The following SEC62 variants were observed in gnomAD, a reference collection of about 807,000 sequenced individuals.
SEC62 encodes translocation protein SEC62.
A neutral mutation model predicts 47.5 loss-of-function variants in SEC62; 10 were observed. The observed-to-expected ratio is 0.21, with a 90% CI of 0.13 to 0.36. The LOEUF (loss-of-function observed/expected upper bound fraction) is 0.36. Among genes scored for constraint, SEC62 ranks in the 10% least tolerant of loss-of-function variants. The probability of loss-of-function intolerance (pLI) is 1.00; values close to 1 mark genes in which losing one functional copy is unlikely to be tolerated. For missense variants in SEC62, 327 were observed against 464.1 expected (o/e 0.70, Z 2.71); for synonymous variants, 136 against 150.5 (o/e 0.90, Z 0.71).
chr3:169,988,383 G>A (rs770009343), intron 7 of SEC62, 24 bp downstream of exon 7: 4 of 1,612,466 alleles, frequency 2.5e-6, no homozygotes, highest in Non-Finnish European at 2.5e-6. Flanking sequence ...TTATAAAATT[G>A]ACCTCAAGAA....
intron 4 of SEC62, 116 bp downstream of exon 4, chr3:169,983,027 A>G (rs1431959113): frequency 1.7e-5 from 25 of 1,483,106 alleles, no homozygotes; most frequent in Non-Finnish European, 2.2e-5. Context: ...ACTATATTAG[A>G]GTTGTTATAA....
At chr3:169,972,113 T>C (rs1435396994) in intron 1 of SEC62, among the ~76,000 whole-genome samples, 1 of 152,240 alleles carries the variant, frequency 6.6e-6, no homozygotes, top group Non-Finnish European at 1.5e-5. Context: ...ATGCATTTTT[T>C]TCCAGTTCAT....
rs2108292342 is a variant in SEC62 at position 169,997,523 on chromosome 3, T to C, written c.*4460T>C. 6.6e-6 allele frequency: 1 copy of C among 152,488 alleles called. No individual in the cohort carries two copies. Among genetic ancestry groups the C allele is most frequent in the East Asian group, 1.9e-4 (1 of 5,192 alleles). The allele number at this position is 152,488 out of a possible 1,614,324, so 9.4% of individuals were successfully genotyped here. Reference sequence around the variant, plus strand: ...CTCTGTCACCCAGGCTGGAGTGCAGTGGCGAAATCTCAGCTCACTGCAACC... The same window carrying C: ...CTCTGTCACCCAGGCTGGAGTGCAGCGGCGAAATCTCAGCTCACTGCAACC... On this transcript the variant is annotated 3_prime_UTR_variant, in exon 8 of 8. Coordinates refer to ENST00000337002, the MANE Select transcript of SEC62 (RefSeq NM_003262.4).
intron 6 of SEC62, among the ~76,000 whole-genome samples, chr3:169,987,077 AT>A (rs1465051303): frequency 6.6e-6 from 1 of 151,990 alleles, no homozygotes; most frequent in Non-Finnish European, 1.5e-5. Context: ...AAAAAAAAAA[AT>A]AGGTAGCAGT....
Position 169,987,987 on chromosome 3 carries a change from T to C in SEC62, c.611-253T>C, listed in dbSNP as rs572122831. ...AATTAAGGAGGCAACAGTTTTGAATTTCTACATAGCATTTTTTTCTAATTA... is the reference window on the plus strand; with the variant it reads ...AATTAAGGAGGCAACAGTTTTGAATCTCTACATAGCATTTTTTTCTAATTA... On this transcript the variant is annotated intron_variant, in intron 6 of 7. Transcript: ENST00000337002. Among the ~76,000 whole-genome samples, 75 of 152,298 alleles carry C rather than the reference T, an allele frequency of 4.9e-4. 1 individual carries two copies. In the South Asian group the frequency reaches 0.015, roughly 30 times the overall value.
Position 169,992,578 on chromosome 3 carries a change from A to G in SEC62, c.731-16A>G. On this transcript the variant is annotated splice_polypyrimidine_tract_variant and intron_variant, in intron 7 of 7. Coordinates refer to ENST00000337002, the MANE Select transcript of SEC62 (RefSeq NM_003262.4). This position sits in a 1 kb window ranked among gnomAD's most constrained non-coding sequence, Gnocchi z 4.0. ...GTGTTTGAATTACTCAATTAGAGAA[A>G]TTTTTCTCCCCACAGCTCGATGCAT... The G allele has an allele frequency of 6.3e-7, 1 of 1,584,070 alleles. No homozygotes were observed. The highest frequency in any genetic ancestry group is 8.6e-7 in the Non-Finnish European group (1 of 1,164,342).
chr3:169,995,190 G>A lies in SEC62; in HGVS notation c.*2127G>A, dbSNP rs2108291045. On this transcript the variant is annotated 3_prime_UTR_variant, in exon 8 of 8. Transcript: ENST00000337002. The stretch of plus-strand genomic sequence containing the variant: ...CGTTTATAATTGTTAATAGAATGGC[G>A]ATTTTTTTTTAAGAACTTCAGATTT... The A allele has an allele frequency of 6.6e-6, 1 of 152,188 alleles. No homozygotes were observed. Among genetic ancestry groups the A allele is most frequent in the Middle Eastern group, 3.4e-3 (1 of 294 alleles). The allele number at this position is 152,188 out of a possible 1,614,324, so 9.4% of individuals were successfully genotyped here. A position where few individuals can be genotyped will look rare whatever the true frequency, so the allele number is the denominator to read the frequency against.
intron 1 of SEC62, chr3:169,968,534 T>G (rs1227766871): frequency 1.5e-5 from 2 of 134,670 alleles, no homozygotes; most frequent in Non-Finnish European, 3.2e-5. Context: ...CATATTTACC[T>G]CAAAAAAAAA....
At chr3:169,989,290 C>T (rs377211636) in intron 7 of SEC62, among the ~76,000 whole-genome samples, 27 of 90,898 alleles carry the variant, frequency 3.0e-4, no homozygotes, top group African/African-American at 8.9e-4. Context: ...TCACTCTGCC[C>T]AGGCTAGTCT....
chr3:169,994,233 C>T lies in SEC62; in HGVS notation c.*1170C>T, dbSNP rs930822927. ...CTAGTTTTGCAGTTTGACTTTACGT[C>T]TTATACATCTTAGTTACAAGTCTTT... On this transcript the variant is annotated 3_prime_UTR_variant, in exon 8 of 8. Coordinates refer to ENST00000337002, the MANE Select transcript of SEC62 (RefSeq NM_003262.4). 2.0e-5 allele frequency: 3 copies of T among 152,560 alleles called. No individual in the cohort carries two copies. Among genetic ancestry groups the T allele is most frequent in the Admixed American group, 2.0e-4 (3 of 15,278 alleles). The allele number at this position is 152,560 out of a possible 1,614,324, so 9.5% of individuals were successfully genotyped here.
At chr3:169,971,734 T>TTTTTTATGTACCCTAATA (rs1576855222) in intron 1 of SEC62, among the ~76,000 whole-genome samples, 1 of 152,212 alleles carries the variant, frequency 6.6e-6, no homozygotes, top group East Asian at 1.9e-4. Context: ...AGCTTCTCAA[T>TTTTTTATGTACCCTAATA]TTTTTATGTA....
intron 1 of SEC62, among the ~76,000 whole-genome samples, chr3:169,967,303 C>T (rs1714555696): frequency 6.6e-6 from 1 of 152,150 alleles, no homozygotes; most frequent in African/African-American, 2.4e-5. Flanking sequence ...CAGGAGGCGG[C>T]GGACTGACCT....
intron 3 of SEC62, 133 bp from the exon 4 acceptor site, chr3:169,982,574 G>T: frequency 9.8e-7 from 1 of 1,024,692 alleles, no homozygotes; most frequent in South Asian, 1.3e-5. Context: ...TTTTTCACGG[G>T]CATACTAGTT....
chr3:169,988,165 A>G (rs1715152603), intron 6 of SEC62, 75 bp from the exon 7 acceptor site: 3 of 1,517,822 alleles, frequency 2.0e-6, no homozygotes, highest in South Asian at 1.1e-5. Context: ...TCCCCCAGGG[A>G]TATGTTTCTG....
chr3:169,977,121 A>C (rs1298442838), intron 3 of SEC62, 70 bp downstream of exon 3: 1 of 1,008,248 alleles, frequency 9.9e-7, no homozygotes, highest in East Asian at 2.6e-5. Context: ...GAAGCTCCTT[A>C]CATCATTAAA....
intron 7 of SEC62, among the ~76,000 whole-genome samples, chr3:169,989,975 G>T (rs1425850722): frequency 1.4e-5 from 2 of 145,260 alleles, no homozygotes; most frequent in African/African-American, 5.0e-5. Flanking sequence ...TATTATATAT[G>T]AATATATATG....
Position 169,992,532 on chromosome 3 carries a change from C to A in SEC62, c.731-62C>A. ...AACTGTTTTCCCAGCTTTTTATTAA[C>A]AAATACTCCCTTCTGAGGCAGTGTT... On this transcript the variant is annotated intron_variant, in intron 7 of 7. Transcript: ENST00000337002. This position sits in a 1 kb window ranked among gnomAD's most constrained non-coding sequence, Gnocchi z 4.0. 1 of 1,134,188 alleles carries A rather than the reference C, an allele frequency of 8.8e-7. No individual in the cohort carries two copies. The highest frequency in any genetic ancestry group is 1.3e-6 in the Non-Finnish European group (1 of 778,744). The allele number at this position is 1,134,188 out of a possible 1,614,324, so 70.3% of individuals were successfully genotyped here.
intron 6 of SEC62, among the ~76,000 whole-genome samples, chr3:169,987,709 A>AG (rs1715142194): frequency 6.6e-6 from 1 of 152,198 alleles, no homozygotes; most frequent in Non-Finnish European, 1.5e-5. Flanking sequence ...TTGCAAAAAA[A>AG]CTGGAGACAC....
Position 169,988,330 on chromosome 3 carries a change from T to C in SEC62, c.701T>C (p.Phe234Ser), listed in dbSNP as rs756980184. ...VYYLSVGAGC[F>S]VASILLLAVA... is the part of the protein sequence containing the mutation. Reference sequence around the variant, plus strand: ...TACCTCAGTGTGGGTGCAGGCTGTTTTGTAGCCAGTATTCTTCTCCTTGCT... The same window carrying C: ...TACCTCAGTGTGGGTGCAGGCTGTTCTGTAGCCAGTATTCTTCTCCTTGCT... Residue 234 changes from phenylalanine (F) to serine (S), a missense_variant, in exon 7 of 8, where the codon TTT (phenylalanine) becomes TCT (serine). By Grantham distance (155) the Phe-to-Ser change is radical. Coordinates refer to ENST00000337002, the MANE Select transcript of SEC62 (RefSeq NM_003262.4). 6.2e-7 allele frequency: 1 copy of C among 1,613,840 alleles called. No individual in the cohort carries two copies. Among genetic ancestry groups the C allele is most frequent in the East Asian group, 2.2e-5 (1 of 44,860 alleles).
Sources: allele counts gnomAD v4.1 joint callset (sites outside exome capture counted in the v4.1 genomes callset), GRCh38; gene constraint gnomAD v4.1.1; non-coding constraint Gnocchi (gnomAD v3.1); transcripts MANE v1.5; gene names NCBI Gene and HGNC (gene_info 2026-07-23, HGNC 2026-07-21).